The following DNM3 variants were observed in gnomAD, a reference collection of about 807,000 sequenced individuals.
The protein encoded by DNM3 is dynamin-3.
Under a neutral mutation model 101.6 loss-of-function variants are expected in DNM3, and 47 were observed. The ratio of observed to expected loss-of-function variants is 0.46; its 90% CI spans 0.37 to 0.59. DNM3 has a LOEUF of 0.59. Ranked by LOEUF, DNM3 falls within the 20% of genes least tolerant of loss-of-function variation. The probability of loss-of-function intolerance (pLI) is 0.00; values close to 1 mark genes in which losing one functional copy is unlikely to be tolerated. For synonymous variants in DNM3, 385 were observed against 387.9 expected (o/e 0.99, Z 0.09); for missense variants, 849 against 1,085.7 (o/e 0.78, Z 3.06).
chr1:172,230,235 A>C (rs1457905513), intron 14 of DNM3, among the ~76,000 whole-genome samples: 2 of 152,192 alleles, frequency 1.3e-5, no homozygotes, highest in Non-Finnish European at 2.9e-5. Flanking sequence ...GATACAAACT[A>C]TAAAACTGGG....
intron 15 of DNM3, among the ~76,000 whole-genome samples, chr1:172,256,735 C>G (rs1030928099): frequency 1.3e-5 from 2 of 151,676 alleles, no homozygotes; most frequent in African/African-American, 2.4e-5. Context: ...TAGGTCTTTT[C>G]AAACTTCTTA....
chr1:172,097,455 C>T (rs566981248), intron 13 of DNM3, among the ~76,000 whole-genome samples: 1 of 151,874 alleles, frequency 6.6e-6, no homozygotes, highest in South Asian at 2.1e-4. Context: ...TATGTTTGTG[C>T]TTATTGGAGA....
chr1:172,234,643 G>C (rs1380790487), intron 14 of DNM3, among the ~76,000 whole-genome samples: 2 of 152,046 alleles, frequency 1.3e-5, no homozygotes, highest in Non-Finnish European at 2.9e-5. Flanking sequence ...ATATTACAAG[G>C]CTACAGTAAC....
At chr1:171,886,397 G>A (rs989982556) in intron 1 of DNM3, among the ~76,000 whole-genome samples, 2 of 152,176 alleles carry the variant, frequency 1.3e-5, no homozygotes, top group African/African-American at 4.8e-5. Context: ...TCATACTGAG[G>A]CATTTAAAAT....
At chr1:172,195,077 C>T (rs889992209) in intron 14 of DNM3, among the ~76,000 whole-genome samples, 1 of 151,954 alleles carries the variant, frequency 6.6e-6, no homozygotes, top group Non-Finnish European at 1.5e-5. Context: ...AATCTCTGAG[C>T]ATTTGTTTGT....
chr1:171,932,461 C>T (rs559847004), intron 2 of DNM3, among the ~76,000 whole-genome samples: 88 of 151,994 alleles, frequency 5.8e-4, no homozygotes, highest in Non-Finnish European at 1.0e-3. Context: ...ACTCCCCACC[C>T]ACCTCCTACC....
chr1:172,289,269 C>A (rs1410602349), intron 15 of DNM3, among the ~76,000 whole-genome samples: 3 of 152,034 alleles, frequency 2.0e-5, no homozygotes, highest in Non-Finnish European at 4.4e-5. Flanking sequence ...GAAGCCAGAA[C>A]TATTGTGGAG....
intron 17 of DNM3, among the ~76,000 whole-genome samples, chr1:172,325,523 T>G (rs951700758): frequency 4.6e-5 from 5 of 107,712 alleles, no homozygotes; most frequent in Admixed American, 1.7e-4. Flanking sequence ...GACCATAGAC[T>G]CTGGCATAAA....
intron 2 of DNM3, among the ~76,000 whole-genome samples, chr1:171,985,243 C>A (rs191322488): frequency 6.6e-6 from 1 of 152,260 alleles, no homozygotes; most frequent in East Asian, 1.9e-4. Context: ...AAACACAGTT[C>A]CATTTCTTCT....
rs541027774 is a variant in DNM3, at chr1:172,045,241, A to G, written c.1196+789A>G. On this transcript the variant is annotated intron_variant, in intron 9 of 20. Coordinates refer to ENST00000627582, the MANE Select transcript of DNM3 (RefSeq NM_015569.5). ...GTGAGATTATTCTAAATTACCTTCC[A>G]TCTTAGTCTGTTTGGACTGCTGTAA... Among the ~76,000 whole-genome samples, 5 of 152,294 alleles carry G rather than the reference A, an allele frequency of 3.3e-5. No homozygotes were observed. The South Asian group carries it at 8.3e-4, about 25-fold the overall frequency.
At chr1:172,174,464 A>G (rs2059081519) in intron 14 of DNM3, among the ~76,000 whole-genome samples, 2 of 151,712 alleles carry the variant, frequency 1.3e-5, no homozygotes, top group South Asian at 4.1e-4. Flanking sequence ...CCTTGGCTAC[A>G]TCTGAGACTT....
At chr1:171,933,685 A>G (rs2041200682) in intron 2 of DNM3, among the ~76,000 whole-genome samples, 1 of 152,094 alleles carries the variant, frequency 6.6e-6, no homozygotes, top group African/African-American at 2.4e-5. Flanking sequence ...AAGAAAGCTG[A>G]TTGGGGAGGG....
chr1:172,093,864 C>T, intron 13 of DNM3: 1 of 698,190 alleles, frequency 1.4e-6, no homozygotes, highest in Non-Finnish European at 2.3e-6. Context: ...CCGTAACACC[C>T]TATCATTGAA....
intron 2 of DNM3, among the ~76,000 whole-genome samples, chr1:171,981,452 A>G (rs115230206): frequency 0.011 from 1,663 of 152,350 alleles, 15 homozygotes; most frequent in Non-Finnish European, 0.015. Flanking sequence ...GAAGGGGCAT[A>G]TTGGAAATAT....
chr1:171,925,201 C>CT (rs1289229200), intron 2 of DNM3, among the ~76,000 whole-genome samples: 9 of 151,460 alleles, frequency 5.9e-5, no homozygotes, highest in South Asian at 2.1e-4. Flanking sequence ...ATGCCCGGCC[C>CT]TTTGCCCACT....
intron 13 of DNM3, among the ~76,000 whole-genome samples, chr1:172,118,070 A>G (rs995342054): frequency 6.6e-6 from 1 of 152,188 alleles, no homozygotes; most frequent in African/African-American, 2.4e-5. Context: ...TGGTGTCTAT[A>G]TCCTCACATC....
chr1:172,075,355 G>T (rs1190467176), intron 11 of DNM3, among the ~76,000 whole-genome samples: 2 of 152,092 alleles, frequency 1.3e-5, no homozygotes, highest in Non-Finnish European at 2.9e-5. Flanking sequence ...TGTTGCCATT[G>T]CTTTTGGTGT....
chr1:172,275,466 T>C (rs2063246519), intron 15 of DNM3, among the ~76,000 whole-genome samples: 2 of 152,046 alleles, frequency 1.3e-5, no homozygotes, highest in African/African-American at 4.8e-5. Flanking sequence ...TTCAAATACC[T>C]GAATCATAAA....
chr1:171,926,006 G>C (rs1161245768), intron 2 of DNM3, among the ~76,000 whole-genome samples: 1 of 152,062 alleles, frequency 6.6e-6, no homozygotes, highest in Non-Finnish European at 1.5e-5. Flanking sequence ...AAGACGTGTT[G>C]GTTGAAAATA....
Sources: allele counts gnomAD v4.1 joint callset (sites outside exome capture counted in the v4.1 genomes callset), GRCh38; gene constraint gnomAD v4.1.1; transcripts MANE v1.5; gene names NCBI Gene and HGNC (gene_info 2026-07-23, HGNC 2026-07-21).